ERBB4: variants seen among roughly 807,000 people sequenced by gnomAD.
ERBB4 encodes erb-b2 receptor tyrosine kinase 4.
A neutral mutation model predicts 158.0 loss-of-function variants in ERBB4; 42 were observed. The ratio of observed to expected loss-of-function variants is 0.27; its 90% CI spans 0.21 to 0.34. ERBB4 has a LOEUF of 0.34. Ranked by LOEUF, ERBB4 falls within the 10% of genes least tolerant of loss-of-function variation. The pLI is 1.00. For missense variants in ERBB4, 1,333 were observed against 1,624.1 expected (o/e 0.82, Z 3.08); for synonymous variants, 583 against 558.7 (o/e 1.04, Z -0.61).
chr2:211,598,966 T>C (rs912256068), intron 19 of ERBB4, among the ~76,000 whole-genome samples: 1 of 152,208 alleles, frequency 6.6e-6, no homozygotes, highest in African/African-American at 2.4e-5. Flanking sequence ...CTGTGGGACT[T>C]TGGACCTGCA....
chr2:212,448,988 GC>G (rs2092406170), intron 1 of ERBB4, among the ~76,000 whole-genome samples: 1 of 152,028 alleles, frequency 6.6e-6, no homozygotes, highest in African/African-American at 2.4e-5. Context: ...TCCACTGAAT[GC>G]ATATGAGGTC....
intron 20 of ERBB4, among the ~76,000 whole-genome samples, chr2:211,433,159 G>A (rs987380347): frequency 6.6e-6 from 1 of 152,176 alleles, no homozygotes; most frequent in Non-Finnish European, 1.5e-5. Context: ...GAGGGACAGT[G>A]GTGAGCAGTG....
intron 2 of ERBB4, among the ~76,000 whole-genome samples, chr2:212,059,122 T>C (rs1297095497): frequency 6.6e-6 from 1 of 152,026 alleles, no homozygotes; most frequent in Non-Finnish European, 1.5e-5. Context: ...TGGGCAAAAA[T>C]CACAGGCATT....
chr2:211,735,152 G>T (rs895112608), intron 5 of ERBB4, among the ~76,000 whole-genome samples: 1 of 151,904 alleles, frequency 6.6e-6, no homozygotes, highest in South Asian at 2.1e-4. Context: ...AATGTAGGTT[G>T]AGGGAAGCAT....
intron 1 of ERBB4, among the ~76,000 whole-genome samples, chr2:212,520,606 G>C (rs1013750153): frequency 6.6e-6 from 1 of 151,798 alleles, no homozygotes; most frequent in African/African-American, 2.4e-5. Context: ...CTATCTCTCA[G>C]TCTAAAAAAA....
chr2:212,348,550 TGAG>T (rs1285425174), intron 1 of ERBB4, among the ~76,000 whole-genome samples: 2 of 152,178 alleles, frequency 1.3e-5, no homozygotes, highest in Non-Finnish European at 2.9e-5. Context: ...CGTCACATTC[TGAG>T]AAGCAAGGAA....
At chr2:211,773,620 ATATATATATATATAT>A (rs2075779957) in intron 4 of ERBB4, among the ~76,000 whole-genome samples, 1 of 60,586 alleles carries the variant, frequency 1.7e-5, no homozygotes, top group African/African-American at 8.1e-5. Flanking sequence ...ATATATATAT[ATATATATATATATAT>A]ATATATATAT....
chr2:211,923,581 T>C (rs2079931869), intron 3 of ERBB4, among the ~76,000 whole-genome samples: 1 of 152,038 alleles, frequency 6.6e-6, no homozygotes, highest in African/African-American at 2.4e-5. Context: ...CCTTGCTGAG[T>C]GCAGAAAATG....
At chr2:212,266,228 T>C (rs921596798) in intron 1 of ERBB4, among the ~76,000 whole-genome samples, 10 of 151,928 alleles carry the variant, frequency 6.6e-5, no homozygotes, top group African/African-American at 2.4e-4. Context: ...ATTGTTATAC[T>C]AGATATTAAA....
intron 18 of ERBB4, among the ~76,000 whole-genome samples, chr2:211,621,141 A>G (rs955514011): frequency 2.6e-5 from 4 of 152,176 alleles, no homozygotes; most frequent in African/African-American, 9.6e-5. Flanking sequence ...ATAAAATTAA[A>G]TAAGAATATA....
intron 1 of ERBB4, among the ~76,000 whole-genome samples, chr2:212,195,557 C>T (rs114622862): frequency 0.015 from 2,219 of 151,824 alleles, 31 homozygotes; most frequent in Non-Finnish European, 0.021. Context: ...ATTTAGGCTT[C>T]CTAATTTATT....
chr2:211,808,669 T>A (rs2076676230), intron 3 of ERBB4, among the ~76,000 whole-genome samples: 1 of 152,202 alleles, frequency 6.6e-6, no homozygotes, highest in Non-Finnish European at 1.5e-5. Context: ...GTGAAGAAAG[T>A]CATTGGTAGC....
In ERBB4 at chr2:211,893,237, G is replaced by A. The variant is rs1158632711; in HGVS notation, c.421+54193C>T. Among the ~76,000 whole-genome samples, 3 of 144,516 alleles carry A rather than the reference G, an allele frequency of 2.1e-5. 1 individual carries two copies. Among genetic ancestry groups the A allele is most frequent in the African/African-American group, 8.2e-5 (3 of 36,590 alleles). 94.8% of individuals were successfully genotyped at this position (144,516 alleles called of 152,430 possible). On this transcript the variant is annotated intron_variant, in intron 3 of 27. Coordinates refer to ENST00000342788, the MANE Select transcript of ERBB4 (RefSeq NM_005235.3). The stretch of plus-strand genomic sequence containing the variant: ...ATATAGATCAATGGAACAGAACAGA[G>A]CCCTCAGAAATAACACCGCATATCT...
chr2:212,440,390 G>T (rs2105973812), intron 1 of ERBB4, among the ~76,000 whole-genome samples: 1 of 152,234 alleles, frequency 6.6e-6, no homozygotes, highest in South Asian at 2.1e-4. Flanking sequence ...CTCAAACATT[G>T]GACTCCAAGT....
At chr2:211,507,680 A>G (rs1309532652) in intron 20 of ERBB4, among the ~76,000 whole-genome samples, 20 of 152,156 alleles carry the variant, frequency 1.3e-4, no homozygotes, top group Admixed American at 1.3e-3. Context: ...ATGCTGGGCA[A>G]TCCTAAGCAA....
intron 13 of ERBB4, among the ~76,000 whole-genome samples, chr2:211,677,146 A>C (rs1321077633): frequency 6.6e-6 from 1 of 152,174 alleles, no homozygotes; most frequent in African/African-American, 2.4e-5. Context: ...ATTATGATCT[A>C]TATATTTTTA....
chr2:212,184,994 C>G (rs1033307598), intron 1 of ERBB4, among the ~76,000 whole-genome samples: 1 of 150,148 alleles, frequency 6.7e-6, no homozygotes, highest in Non-Finnish European at 1.5e-5. Context: ...CATCCATGTC[C>G]ATTAGATATC....
At chr2:212,484,366 AC>A (rs1203824811) in intron 1 of ERBB4, among the ~76,000 whole-genome samples, 1 of 152,068 alleles carries the variant, frequency 6.6e-6, no homozygotes, top group African/African-American at 2.4e-5. Flanking sequence ...TTTATGAGTT[AC>A]CCGTTCACAT....
At chr2:212,031,658 G>A (rs1212681084) in intron 2 of ERBB4, among the ~76,000 whole-genome samples, 2 of 152,038 alleles carry the variant, frequency 1.3e-5, no homozygotes, top group Non-Finnish European at 2.9e-5. Flanking sequence ...TGTTTTTATG[G>A]TTTAATTATC....
Sources: allele counts gnomAD v4.1 joint callset (sites outside exome capture counted in the v4.1 genomes callset), GRCh38; gene constraint gnomAD v4.1.1; transcripts MANE v1.5; gene names NCBI Gene and HGNC (gene_info 2026-07-23, HGNC 2026-07-21).